The following ZNF521 variants were observed in gnomAD, a reference collection of about 807,000 sequenced individuals.
ZNF521 encodes the protein LYST-interacting protein 3.
A neutral mutation model predicts 105.5 loss-of-function variants in ZNF521; 14 were observed. The ratio of observed to expected loss-of-function variants is 0.13; its 90% CI spans 0.09 to 0.21. The LOEUF (loss-of-function observed/expected upper bound fraction) is 0.21, where lower values mean the gene tolerates loss of function less well. Among genes scored for constraint, ZNF521 ranks in the 10% least tolerant of loss-of-function variants. The probability of loss-of-function intolerance (pLI) is 1.00; values close to 1 mark genes in which losing one functional copy is unlikely to be tolerated. For missense variants in ZNF521, 1,233 were observed against 1,629.7 expected (o/e 0.76, Z 4.19); for synonymous variants, 635 against 606.0 (o/e 1.05, Z -0.70).
At chr18:25,067,707 G>T (rs1246303701) in intron 7 of ZNF521, among the ~76,000 whole-genome samples, 1 of 152,080 alleles carries the variant, frequency 6.6e-6, no homozygotes, top group Non-Finnish European at 1.5e-5. Context: ...ATTCAGCTTT[G>T]GAGGAAAGCC....
intron 4 of ZNF521, among the ~76,000 whole-genome samples, chr18:25,206,705 T>C (rs892252090): frequency 2.6e-5 from 4 of 152,180 alleles, no homozygotes; most frequent in African/African-American, 7.2e-5. Flanking sequence ...TCCATATTCT[T>C]ATTCTGGGTT....
At chr18:25,246,621 T>G (rs750885117) in intron 3 of ZNF521, among the ~76,000 whole-genome samples, 4 of 152,214 alleles carry the variant, frequency 2.6e-5, no homozygotes, top group Non-Finnish European at 2.9e-5. Flanking sequence ...TCCACCACCC[T>G]CCACCCTCTC....
At chr18:25,238,490 T>G (rs1374937865) in intron 3 of ZNF521, among the ~76,000 whole-genome samples, 3 of 152,290 alleles carry the variant, frequency 2.0e-5, no homozygotes, top group African/African-American at 7.2e-5. Context: ...TGTTCTTCCA[T>G]CCTCTGCTTT....
At chr18:25,349,765 C>T (rs1389602700) in intron 2 of ZNF521, among the ~76,000 whole-genome samples, 1 of 150,542 alleles carries the variant, frequency 6.6e-6, no homozygotes, top group Admixed American at 6.6e-5. Context: ...CCGGGCCGCG[C>T]GGACCTCGGC....
chr18:25,081,351 G>A (rs1043101433), intron 7 of ZNF521, among the ~76,000 whole-genome samples: 17 of 152,174 alleles, frequency 1.1e-4, no homozygotes, highest in South Asian at 2.1e-4. Context: ...TTTTAATAGC[G>A]AAAACCAGCC....
rs892591502 is a variant in ZNF521, at chr18:25,226,229, G to A, written c.1689C>T (p.Ser563=). 2.5e-6 allele frequency: 4 copies of A among 1,614,040 alleles called. No homozygotes were observed. The African/African-American group carries it at 5.3e-5, about 22-fold the overall frequency. Residue 563 remains serine, a synonymous_variant, in exon 4 of 8, where the codon TCC becomes TCT. Coordinates refer to ENST00000361524, the MANE Select transcript of ZNF521 (RefSeq NM_015461.3). The surrounding 1 kb of genome is among the most constrained non-coding windows in gnomAD (Gnocchi z 4.1). The part of the protein sequence containing the change: ...KEPVVEVYSC[S]YCTNSPIFNS... ...TGAATATTGGCGAATTTGTACAATA[G>A]GAACAAGAATAGACTTCTACTACTG...
chr18:25,088,223 T>TC (rs200543809), intron 7 of ZNF521, among the ~76,000 whole-genome samples: 30 of 151,546 alleles, frequency 2.0e-4, no homozygotes, highest in East Asian at 1.5e-3. Flanking sequence ...TCTTTTCTTT[T>TC]TTTTTTTTTT....
At chr18:25,156,127 G>A (rs1419051054) in intron 5 of ZNF521, among the ~76,000 whole-genome samples, 1 of 152,062 alleles carries the variant, frequency 6.6e-6, no homozygotes, top group African/African-American at 2.4e-5. Flanking sequence ...GGCGGAAATG[G>A]GTAACTATGT....
chr18:25,236,405 A>G (rs1015135457), intron 3 of ZNF521, among the ~76,000 whole-genome samples: 2 of 152,004 alleles, frequency 1.3e-5, no homozygotes, highest in Non-Finnish European at 2.9e-5. Context: ...GCGTGGTGGC[A>G]TGCGTCTGTA....
intron 6 of ZNF521, among the ~76,000 whole-genome samples, chr18:25,090,104 G>A (rs1431854552): frequency 6.6e-6 from 1 of 152,070 alleles, no homozygotes; most frequent in East Asian, 1.9e-4. Flanking sequence ...GATCAACTCA[G>A]CCTACACACT....
At chr18:25,242,995 G>T (rs188871296) in intron 3 of ZNF521, among the ~76,000 whole-genome samples, 15 of 152,218 alleles carry the variant, frequency 9.9e-5, no homozygotes, top group Admixed American at 3.9e-4. Flanking sequence ...TGGTATAAAA[G>T]AATTTCTGAA....
chr18:25,213,842 T>A (rs1600163068), intron 4 of ZNF521, among the ~76,000 whole-genome samples: 2 of 152,270 alleles, frequency 1.3e-5, no homozygotes, highest in East Asian at 3.9e-4. Flanking sequence ...CTTGAGCCAT[T>A]TTTGGTAACA....
chr18:25,147,745 A>G (rs900293812), intron 5 of ZNF521, among the ~76,000 whole-genome samples: 2 of 152,200 alleles, frequency 1.3e-5, no homozygotes, highest in African/African-American at 4.8e-5. Context: ...CCAGGTATCA[A>G]ATACATCAAT....
chr18:25,064,447 C>A (rs2032997210), intron 7 of ZNF521, among the ~76,000 whole-genome samples: 1 of 152,218 alleles, frequency 6.6e-6, no homozygotes, highest in Non-Finnish European at 1.5e-5. Context: ...TGCAGACCTG[C>A]AACTTGTTTA....
chr18:25,329,869 C>T (rs1000339481), intron 2 of ZNF521, among the ~76,000 whole-genome samples: 2 of 150,156 alleles, frequency 1.3e-5, no homozygotes, highest in Non-Finnish European at 3.0e-5. Context: ...CAGGGTAAAC[C>T]AGGAAGTAAG....
At chr18:25,305,776 T>C (rs1227820695) in intron 3 of ZNF521, among the ~76,000 whole-genome samples, 1 of 152,198 alleles carries the variant, frequency 6.6e-6, no homozygotes, top group East Asian at 1.9e-4. Context: ...CTGGAAGATA[T>C]TCAAATCTGG....
At position 25,312,781 on chromosome 18, in the gene ZNF521, G is replaced by A. The variant is rs1428580723; in HGVS notation, c.220+9227C>T. On this transcript the variant is annotated intron_variant, in intron 3 of 7. Coordinates refer to ENST00000361524, the MANE Select transcript of ZNF521 (RefSeq NM_015461.3). ...AGCCGAGATTGCGCCACTGCACTCC[G>A]CAGTCCGACCTGGGCGACAGAGCGA... Among the ~76,000 whole-genome samples, 6 of 34,290 alleles carry A rather than the reference G, an allele frequency of 1.7e-4. 1 individual carries two copies. Among genetic ancestry groups the A allele is most frequent in the Non-Finnish European group, 3.9e-4 (6 of 15,584 alleles). 22.5% of individuals were successfully genotyped at this position (34,290 alleles called of 152,430 possible).
chr18:25,134,925 C>T lies in ZNF521; in HGVS notation c.3659-42844G>A, dbSNP rs1407598854. On this transcript the variant is annotated intron_variant, in intron 5 of 7. Transcript: ENST00000361524. ...GCTATTTGATCAAACACAGAATGTA[C>T]GGCCCCATAACTAAGCTGCCACAAA... Among the ~76,000 whole-genome samples, 10 of 152,114 alleles carry T rather than the reference C, an allele frequency of 6.6e-5. No individual in the cohort carries two copies. The South Asian group carries it at 1.9e-3, about 28-fold the overall frequency.
In ZNF521 at chr18:25,260,924, C is replaced by A. The variant is rs185586370; in HGVS notation, c.221-33227G>T. ...CTGTTACTCTATAAATAATAGATAT[C>A]TTTCTTAAAATTAAGGCACAATTTC... is the stretch of plus-strand genomic sequence containing the variant. On this transcript the variant is annotated intron_variant, in intron 3 of 7. Coordinates refer to ENST00000361524, the MANE Select transcript of ZNF521 (RefSeq NM_015461.3). Among the ~76,000 whole-genome samples, 8 of 152,250 alleles carry A rather than the reference C, an allele frequency of 5.3e-5. No homozygotes were observed. The East Asian group carries it at 1.5e-3, about 29-fold the overall frequency.
Sources: gnomAD v4.1 joint callset for allele counts (sites outside exome capture counted in the v4.1 genomes callset) on GRCh38, gnomAD v4.1.1 for gene constraint, Gnocchi (gnomAD v3.1) non-coding constraint, MANE v1.5 for transcripts, NCBI Gene and HGNC (gene_info 2026-07-23, HGNC 2026-07-21) for gene names.